Variants in RSPH14 observed in about 807,000 individuals in gnomAD.
RSPH14 encodes radial spoke head 14 homolog, also known as rhabdoid tumor deletion region gene 1.
RSPH14 carries 20 observed loss-of-function variants against 26.7 expected under a neutral mutation model. That is an observed-to-expected ratio of 0.75 (90% CI 0.53 to 1.09). The LOEUF (loss-of-function observed/expected upper bound fraction) is 1.09, where lower values mean the gene tolerates loss of function less well. Ranked by LOEUF, RSPH14 falls within the 50% of genes least tolerant of loss-of-function variation. The pLI is 0.00. For missense variants in RSPH14, 449 were observed against 457.2 expected (o/e 0.98, Z 0.16); for synonymous variants, 177 against 189.3 (o/e 0.93, Z 0.53).
In RSPH14 at chr22:23,140,340, G is replaced by C. The variant is rs755174840; in HGVS notation, c.81C>G (p.Ala27=). 2 of 1,614,072 alleles carry C rather than the reference G, an allele frequency of 1.2e-6. No individual in the cohort carries two copies. Among genetic ancestry groups the C allele is most frequent in the African/African-American group, 2.7e-5 (2 of 74,916 alleles). Residue 27 remains alanine (A), a synonymous_variant, in exon 2 of 7, where the codon GCC becomes GCG. Coordinates refer to ENST00000216036, the MANE Select transcript of RSPH14 (RefSeq NM_014433.3). The part of the protein sequence containing the change: ...TQITTAYGHR[A]LPKLKEELQS... ...GCAGCTCCTCCTTCAGCTTGGGCAG[G>C]GCCCGATGGCCATAGGCAGTGGTAA... is the stretch of plus-strand genomic sequence containing the variant.
chr22:23,105,123 G>C (rs551481157), intron 4 of RSPH14, among the ~76,000 whole-genome samples: 5 of 152,276 alleles, frequency 3.3e-5, no homozygotes, highest in African/African-American at 9.6e-5. Context: ...GGGGGCCCTG[G>C]GCCTTGTATC....
intron 4 of RSPH14, among the ~76,000 whole-genome samples, chr22:23,086,937 A>C (rs2068835789): frequency 1.3e-5 from 2 of 152,230 alleles, no homozygotes; most frequent in African/African-American, 4.8e-5. Context: ...GATGGGACAC[A>C]TGGCTGGGGC....
At chr22:23,160,861 T>A in the RSPH14 span, 1 of 1,610,654 alleles carries the variant, frequency 6.2e-7, no homozygotes, top group African/African-American at 1.3e-5. Flanking sequence ...AGGTCCCGGC[T>A]GTCTTGTGGG....
upstream of RSPH14, among the ~76,000 whole-genome samples, chr22:23,144,223 A>AT (rs2070666757): frequency 6.6e-6 from 1 of 150,912 alleles, no homozygotes; most frequent in Non-Finnish European, 1.5e-5. Flanking sequence ...CCTAAATCCC[A>AT]TTGGCACACT....
At chr22:23,142,116 C>T (rs1486706812), upstream of RSPH14, 4 of 817,390 alleles carry the variant, frequency 4.9e-6, no homozygotes, top group Non-Finnish European at 1.5e-6. Context: ...CGGCCGGCTG[C>T]AAAGCGGGAA....
chr22:23,145,255 C>A (rs2070698258), upstream of RSPH14: 2 of 916,318 alleles, frequency 2.2e-6, no homozygotes, highest in South Asian at 1.6e-5. Context: ...CCGCCCACCG[C>A]CCACCCATCC....
intron 4 of RSPH14, among the ~76,000 whole-genome samples, chr22:23,078,755 G>A (rs1252680098): frequency 6.6e-6 from 1 of 152,226 alleles, no homozygotes; most frequent in Non-Finnish European, 1.5e-5. Context: ...AGGGGGCTGA[G>A]GGGCCATGCA....
chr22:23,105,172 C>T (rs1348047496), intron 4 of RSPH14, among the ~76,000 whole-genome samples: 1 of 152,202 alleles, frequency 6.6e-6, no homozygotes, highest in East Asian at 1.9e-4. Flanking sequence ...GCCACAGCCC[C>T]ACACACCTTT....
upstream of RSPH14, among the ~76,000 whole-genome samples, chr22:23,146,277 C>T (rs921847643): frequency 3.0e-4 from 46 of 152,142 alleles, no homozygotes; most frequent in African/African-American, 1.1e-3. Flanking sequence ...GGCACCTTCA[C>T]GGTTCACTGC....
At chr22:23,122,723 G>A (rs1300968542) in intron 4 of RSPH14, 6 of 280,782 alleles carry the variant, frequency 2.1e-5, no homozygotes, top group African/African-American at 4.2e-5. Context: ...GCCTGTGGAT[G>A]GGCAGTGGGA....
At chr22:23,161,566 T>A in the RSPH14 span, 1 of 1,607,594 alleles carries the variant, frequency 6.2e-7, no homozygotes, top group South Asian at 1.1e-5. Flanking sequence ...TGCTGCTAAC[T>A]GGGGCCTGCG....
intron 4 of RSPH14, among the ~76,000 whole-genome samples, chr22:23,130,104 AAAGAAAGAAAGAAAGAAAG>A (rs1569192647): frequency 2.3e-5 from 2 of 86,908 alleles, no homozygotes; most frequent in African/African-American, 8.0e-5. Flanking sequence ...AGAAAGAAAG[AAAGAAAGAAAGAAAGAAAG>A]AAAGAAAGAA....
At chr22:23,179,781 C>T in the RSPH14 span, 1 of 198,792 alleles carries the variant, frequency 5.0e-6, no homozygotes, top group Non-Finnish European at 1.0e-5. Context: ...ATTGGTTACT[C>T]AGCCTGGCCC....
chr22:23,140,335 G>A lies in RSPH14; in HGVS notation c.86C>T (p.Pro29Leu), dbSNP rs1204267780. The A allele has an allele frequency of 1.2e-6, 2 of 1,614,204 alleles. No individual in the cohort carries two copies. The highest frequency in any genetic ancestry group is 2.2e-5 in the East Asian group (1 of 44,890). ...ITTAYGHRALPKLKEELQSED... is the reference protein window; with the variant it reads ...ITTAYGHRALLKLKEELQSED... ...TGACTGCAGCTCCTCCTTCAGCTTG[G>A]GCAGGGCCCGATGGCCATAGGCAGT... The change falls in exon 2 of 7, where the codon CCC becomes CTC. Residue 29 changes from proline to leucine, a missense_variant. Coordinates refer to ENST00000216036, the MANE Select transcript of RSPH14 (RefSeq NM_014433.3).
chr22:23,109,748 G>A (rs1017106908), intron 4 of RSPH14, among the ~76,000 whole-genome samples: 7 of 152,232 alleles, frequency 4.6e-5, no homozygotes, highest in Admixed American at 3.9e-4. Context: ...CAGGCTAGAG[G>A]AATGGAAACA....
the RSPH14 span, chr22:23,162,919 T>TC: frequency 2.9e-6 from 1 of 346,528 alleles, no homozygotes; most frequent in African/African-American, 2.2e-5. Context: ...AATGACTTTT[T>TC]TTTTTTTTTG....
At chr22:23,130,084 GAAGAAAGAAAGAAAGAAAGAAAGAAAGA>G (rs1221656067) in intron 4 of RSPH14, among the ~76,000 whole-genome samples, 60 of 51,832 alleles carry the variant, frequency 1.2e-3, no homozygotes, top group Middle Eastern at 9.6e-3. Flanking sequence ...AGAAAGAAAG[GAAGAAAGAAAGAAAGAAAGAAAGAAAGA>G]AAGAAAGAAA....
intron 4 of RSPH14, among the ~76,000 whole-genome samples, chr22:23,081,651 G>A (rs1185511067): frequency 1.3e-5 from 2 of 151,944 alleles, no homozygotes; most frequent in East Asian, 3.9e-4. Flanking sequence ...GCAAAACCCT[G>A]TCTCTACTAA....
At chr22:23,135,317 C>CAAAAAAAAAAAAAAAA (rs55649510) in intron 3 of RSPH14, among the ~76,000 whole-genome samples, 1 of 85,890 alleles carries the variant, frequency 1.2e-5, no homozygotes, top group Non-Finnish European at 2.2e-5. Flanking sequence ...ACTAAAAATA[C>CAAAAAAAAAAAAAAAA]AAAAAAAAAA....
Sources: allele counts gnomAD v4.1 joint callset (sites outside exome capture counted in the v4.1 genomes callset), GRCh38; gene constraint gnomAD v4.1.1; transcripts MANE v1.5; gene names NCBI Gene and HGNC (gene_info 2026-07-23, HGNC 2026-07-21).